The following DMD variants were observed in gnomAD, a reference collection of about 807,000 sequenced individuals.
DMD encodes mutant dystrophin.
DMD carries 63 observed loss-of-function variants against 330.1 expected under a neutral mutation model. The ratio of observed to expected loss-of-function variants is 0.19; its 90% CI spans 0.16 to 0.24. The LOEUF is 0.24. Ranked by LOEUF, DMD falls within the 10% of genes least tolerant of loss-of-function variation. DMD has a pLI of 1.00. For missense variants in DMD, 3,344 were observed against 2,684.1 expected, an observed-to-expected ratio of 1.25 and a Z score of -5.43; for synonymous variants, 1,223 against 959.8, an observed-to-expected ratio of 1.27 and a Z score of -5.07.
chrX:32,008,286 G>A (rs1794012), intron 44 of DMD, among the ~76,000 whole-genome samples: 66,127 of 110,589 alleles, frequency 0.6, 16,690 homozygotes, highest in Non-Finnish European at 0.8. Context: ...TAAAGAGGGT[G>A]ATATGAATAC....
At chrX:31,274,084 T>C (rs2051891582) in intron 62 of DMD, among the ~76,000 whole-genome samples, 1 of 112,064 alleles carries the variant, frequency 8.9e-6, no homozygotes, top group Non-Finnish European at 1.9e-5. Context: ...TGTTTTAGAT[T>C]GTCGTGTGAG....
chrX:32,358,857 T>TACC (rs2147184239), intron 37 of DMD, among the ~76,000 whole-genome samples: 1 of 112,006 alleles, frequency 8.9e-6, no homozygotes, highest in South Asian at 3.7e-4. Flanking sequence ...TTGATATTAA[T>TACC]TATTTTTAAC....
intron 41 of DMD, among the ~76,000 whole-genome samples, chrX:32,335,069 C>A (rs183445022): frequency 9.0e-6 from 1 of 111,244 alleles, no homozygotes; most frequent in East Asian, 2.8e-4. Context: ...AGGGTCATTA[C>A]TGTGATCAAA....
At chrX:33,308,475 G>A (rs1349362938) in intron 1 of DMD, among the ~76,000 whole-genome samples, 1 of 111,669 alleles carries the variant, frequency 9.0e-6, no homozygotes, top group Non-Finnish European at 1.9e-5. Flanking sequence ...AATATATTGA[G>A]GCAAACAGTC....
chrX:32,957,275 C>T (rs1407515090), intron 2 of DMD, among the ~76,000 whole-genome samples: 5 of 111,338 alleles, frequency 4.5e-5, no homozygotes, highest in Non-Finnish European at 9.4e-5. Flanking sequence ...GAGGGGAATG[C>T]TAACTTAAGA....
In DMD at chrX:31,404,642, T is replaced by A. The variant is rs763436976; in HGVS notation, c.9084+39839A>T. ...ACAGGTTTAAAAAGTAGTACATTTT[T>A]AAATTTGTGATTTCATTATGACCAT... On this transcript the variant is annotated intron_variant, in intron 60 of 78. Coordinates refer to ENST00000357033, the MANE Select transcript of DMD (RefSeq NM_004006.3). Among the ~76,000 whole-genome samples the A allele has an allele frequency of 9.1e-4, 102 of 112,132 alleles. 2 individuals carry two copies. The highest frequency in any genetic ancestry group is 2.8e-4 in the Non-Finnish European group (15 of 53,186).
chrX:32,290,488 C>T (rs1274263022), intron 42 of DMD, among the ~76,000 whole-genome samples: 1 of 111,960 alleles, frequency 8.9e-6, no homozygotes, highest in Non-Finnish European at 1.9e-5. Context: ...AAATTTAATC[C>T]ATAATGTTTT....
At chrX:32,648,045 ATAC>A (rs1260565409) in intron 9 of DMD, among the ~76,000 whole-genome samples, 1 of 112,046 alleles carries the variant, frequency 8.9e-6, no homozygotes, top group African/African-American at 3.2e-5. Context: ...AAGTAACACA[ATAC>A]TTTACACTGT....
chrX:32,536,281 AAAAAAAAC>A (rs2047968467), intron 17 of DMD, among the ~76,000 whole-genome samples: 2 of 108,058 alleles, frequency 1.9e-5, no homozygotes, highest in African/African-American at 6.8e-5. Context: ...AAAAAAAAAA[AAAAAAAAC>A]ACACAAATGG....
chrX:31,121,979 G>GA, intron 78 of DMD, 49 bp from the exon 79 acceptor site: 1 of 946,456 alleles, frequency 1.1e-6, no homozygotes, highest in Non-Finnish European at 1.5e-6. Context: ...GGTGCAGATA[G>GA]ATAGCATCAC....
intron 12 of DMD, among the ~76,000 whole-genome samples, chrX:32,613,237 G>T (rs2057309670): frequency 9.0e-6 from 1 of 111,221 alleles, no homozygotes; most frequent in Admixed American, 9.6e-5. Flanking sequence ...TCTTTTATTT[G>T]TGTCTGCTAA....
chrX:32,812,074 C>T (rs1328738699), intron 6 of DMD, among the ~76,000 whole-genome samples: 3 of 110,996 alleles, frequency 2.7e-5, no homozygotes, highest in Non-Finnish European at 5.7e-5. Flanking sequence ...ATCCCAACAG[C>T]ACTGGAAGTC....
intron 51 of DMD, among the ~76,000 whole-genome samples, chrX:31,742,250 T>C (rs2087412527): frequency 8.9e-6 from 1 of 112,717 alleles, no homozygotes; most frequent in Non-Finnish European, 1.9e-5. Context: ...GTAGCACTTT[T>C]AATTTTCTTC....
chrX:31,282,533 A>G (rs1295712349), intron 62 of DMD, among the ~76,000 whole-genome samples: 1 of 109,261 alleles, frequency 9.2e-6, no homozygotes, highest in Non-Finnish European at 1.9e-5. Context: ...TTCAATGAGG[A>G]GCAAATATAA....
chrX:31,543,981 C>A (rs1034701176), intron 55 of DMD, among the ~76,000 whole-genome samples: 1 of 111,179 alleles, frequency 9.0e-6, no homozygotes, highest in African/African-American at 3.3e-5. Context: ...GTGTGGGTGA[C>A]CCTCAAGAAT....
intron 51 of DMD, among the ~76,000 whole-genome samples, chrX:31,741,550 T>A (rs774259241): frequency 1.2e-3 from 134 of 111,415 alleles, no homozygotes; most frequent in African/African-American, 4.3e-3. Context: ...AGAGCAGTAA[T>A]ATTTTGAAAG....
intron 59 of DMD, among the ~76,000 whole-genome samples, chrX:31,474,706 CAAAAA>C (rs779735826): frequency 1.6e-5 from 1 of 64,026 alleles, no homozygotes; most frequent in South Asian, 6.7e-4. Flanking sequence ...GAGACTGTCG[CAAAAA>C]AAAAATAAAA....
At chrX:31,921,507 C>T (rs768071304) in intron 47 of DMD, among the ~76,000 whole-genome samples, 6 of 111,949 alleles carry the variant, frequency 5.4e-5, no homozygotes, top group Non-Finnish European at 9.4e-5. Context: ...GTTCAGCTTT[C>T]TCCCCAAGAG....
chrX:32,540,215 C>T (rs721699), intron 17 of DMD, among the ~76,000 whole-genome samples: 50,330 of 109,787 alleles, frequency 0.46, 8,593 homozygotes, highest in East Asian at 0.6. Flanking sequence ...TAATTACCTA[C>T]GTGTACAATA....
Sources: gnomAD v4.1 joint callset for allele counts (sites outside exome capture counted in the v4.1 genomes callset) on GRCh38, gnomAD v4.1.1 for gene constraint, MANE v1.5 for transcripts, NCBI Gene and HGNC (gene_info 2026-07-23, HGNC 2026-07-21) for gene names.